Variants in DLG2 observed in about 807,000 individuals in gnomAD.
The protein encoded by DLG2 is disks large homolog 2.
DLG2 carries 45 observed loss-of-function variants against 132.5 expected under a neutral mutation model. The observed-to-expected ratio is 0.34, with a 90% CI of 0.27 to 0.44. The LOEUF (loss-of-function observed/expected upper bound fraction) is 0.44, where lower values mean the gene tolerates loss of function less well. DLG2 is among the 20% of genes least tolerant of loss of function. DLG2 has a pLI of 1.00. For missense variants in DLG2, 1,045 were observed against 1,196.9 expected (o/e 0.87, Z 1.87); for synonymous variants, 424 against 419.6 (o/e 1.01, Z -0.13).
At chr11:83,844,268 G>A (rs1054410663) in intron 16 of DLG2, among the ~76,000 whole-genome samples, 3 of 148,538 alleles carry the variant, frequency 2.0e-5, no homozygotes, top group African/African-American at 5.0e-5. Context: ...GGGGCCAGGC[G>A]CGGTGGCTCA....
At chr11:83,510,152 G>T (rs2094930253) in intron 21 of DLG2, among the ~76,000 whole-genome samples, 1 of 152,062 alleles carries the variant, frequency 6.6e-6, no homozygotes, top group African/African-American at 2.4e-5. Flanking sequence ...TGACCCTGAT[G>T]GTTCTTTACA....
At position 85,447,327 on chromosome 11, in the gene DLG2, A is replaced by G. The variant is rs563012469; in HGVS notation, c.40+151330T>C. 7.2e-5 allele frequency among the ~76,000 whole-genome samples: 11 copies of G among 152,248 alleles called. No individual in the cohort carries two copies. The South Asian group carries it at 1.5e-3, about 20-fold the overall frequency. ...CCCAAACTAATATGTTGAAATTCTA[A>G]CTCCCAGTACTTCAGAATGTGACTA... On this transcript the variant is annotated intron_variant, in intron 3 of 27. Coordinates refer to ENST00000376104, the MANE Select transcript of DLG2 (RefSeq NM_001142699.3).
chr11:84,154,742 T>C (rs866490790), intron 9 of DLG2, among the ~76,000 whole-genome samples: 2 of 152,158 alleles, frequency 1.3e-5, no homozygotes, highest in African/African-American at 4.8e-5. Flanking sequence ...ACTGAGAACA[T>C]GCAGTGTTTG....
chr11:83,552,428 T>A (rs1414066114), intron 19 of DLG2, among the ~76,000 whole-genome samples: 1 of 152,158 alleles, frequency 6.6e-6, no homozygotes, highest in Non-Finnish European at 1.5e-5. Context: ...GAGTCTCATA[T>A]GTGCTATGTT....
intron 6 of DLG2, among the ~76,000 whole-genome samples, chr11:85,023,685 T>C (rs1416088797): frequency 3.3e-5 from 5 of 152,114 alleles, no homozygotes; most frequent in South Asian, 4.1e-4. Flanking sequence ...TATATATCTA[T>C]GTACTATATC....
At chr11:83,463,509 C>T (rs2090443000) in intron 26 of DLG2, among the ~76,000 whole-genome samples, 1 of 152,158 alleles carries the variant, frequency 6.6e-6, no homozygotes, top group South Asian at 2.1e-4. Context: ...ATCATGTGGG[C>T]CAGGCACAGT....
chr11:84,034,632 GTTCT>G (rs2095810910), intron 11 of DLG2, among the ~76,000 whole-genome samples: 1 of 152,140 alleles, frequency 6.6e-6, no homozygotes, highest in Non-Finnish European at 1.5e-5. Context: ...GTTCTGGGAA[GTTCT>G]TTCATCTAAA....
chr11:85,191,162 GCACACACACACACACACACACACA>G (rs3067460), intron 4 of DLG2, among the ~76,000 whole-genome samples: 4 of 139,842 alleles, frequency 2.9e-5, no homozygotes, highest in Admixed American at 2.1e-4. Context: ...GCGCACGCGC[GCACACACACACACACACACACACA>G]CACACACACA....
intron 5 of DLG2, among the ~76,000 whole-genome samples, chr11:85,118,052 T>C (rs192611447): frequency 6.6e-6 from 1 of 152,082 alleles, no homozygotes; most frequent in Admixed American, 6.6e-5. Context: ...AGTGTTAACT[T>C]TTTTCATTCA....
chr11:84,840,918 A>G (rs540576891), intron 6 of DLG2, among the ~76,000 whole-genome samples: 26 of 151,948 alleles, frequency 1.7e-4, no homozygotes, highest in African/African-American at 6.3e-4. Context: ...CAGCACACCA[A>G]CATGGCACAT....
chr11:84,453,347 A>G (rs1365149696), intron 7 of DLG2, among the ~76,000 whole-genome samples: 1 of 151,692 alleles, frequency 6.6e-6, no homozygotes, highest in Non-Finnish European at 1.5e-5. Context: ...AAATCAATAT[A>G]CTGAAAGAGG....
At chr11:84,221,938 G>C (rs2096921843) in intron 8 of DLG2, among the ~76,000 whole-genome samples, 2 of 151,890 alleles carry the variant, frequency 1.3e-5, no homozygotes, top group Non-Finnish European at 2.9e-5. Flanking sequence ...TATGTTATTA[G>C]ATAAATTACT....
chr11:84,259,466 G>A (rs977645846), intron 7 of DLG2, among the ~76,000 whole-genome samples: 3 of 151,986 alleles, frequency 2.0e-5, no homozygotes, highest in African/African-American at 7.3e-5. Context: ...CTTTGCCCCT[G>A]CTCTACGGAG....
chr11:85,620,933 C>T (rs1480693047), intron 2 of DLG2, among the ~76,000 whole-genome samples: 3 of 152,202 alleles, frequency 2.0e-5, no homozygotes, highest in African/African-American at 7.2e-5. Context: ...GACAAAATAG[C>T]CTTACATCAG....
At chr11:84,599,749 G>A (rs1350331648) in intron 6 of DLG2, among the ~76,000 whole-genome samples, 1 of 152,004 alleles carries the variant, frequency 6.6e-6, no homozygotes, top group Non-Finnish European at 1.5e-5. Flanking sequence ...AATTCCAAGG[G>A]AAGCCAGCAG....
At chr11:83,974,460 G>A (rs1243307318) in intron 12 of DLG2, among the ~76,000 whole-genome samples, 1 of 5,138 alleles carries the variant, frequency 1.9e-4, no homozygotes, top group Admixed American at 2.3e-3. Context: ...CTAGTTTTAG[G>A]TGTTTTGTTA....
intron 6 of DLG2, among the ~76,000 whole-genome samples, chr11:84,791,564 A>G (rs1420371880): frequency 6.6e-6 from 1 of 152,158 alleles, no homozygotes; most frequent in Non-Finnish European, 1.5e-5. Flanking sequence ...GATTCTTCCA[A>G]TCCATGAACA....
At chr11:85,014,409 G>C (rs1203707264) in intron 6 of DLG2, among the ~76,000 whole-genome samples, 1 of 152,096 alleles carries the variant, frequency 6.6e-6, no homozygotes, top group Non-Finnish European at 1.5e-5. Flanking sequence ...ATTACTTAAG[G>C]ATGACTTGCT....
chr11:84,775,729 C>T (rs911600812), intron 6 of DLG2, among the ~76,000 whole-genome samples: 4 of 152,110 alleles, frequency 2.6e-5, no homozygotes, highest in Non-Finnish European at 5.9e-5. Flanking sequence ...ACAATAGACA[C>T]TGGGTACTAC....
Sources: allele counts gnomAD v4.1 joint callset (sites outside exome capture counted in the v4.1 genomes callset), GRCh38; gene constraint gnomAD v4.1.1; transcripts MANE v1.5; gene names NCBI Gene and HGNC (gene_info 2026-07-23, HGNC 2026-07-21).